SAXO1: variants seen among roughly 807,000 people sequenced by gnomAD.
SAXO1 encodes the protein stabilizer of axonemal microtubules 1, also known as 4930500O09Rik.
A neutral mutation model predicts 17.5 loss-of-function variants in SAXO1; 21 were observed. That is an observed-to-expected ratio of 1.20 (90% CI 0.85 to 1.72). The LOEUF is 1.72. Among genes scored for constraint, SAXO1 ranks in the 40% most tolerant of loss-of-function variants. The pLI, the probability that SAXO1 is intolerant of heterozygous loss-of-function variation, is 0.00. For missense variants in SAXO1, 843 were observed against 596.0 expected (o/e 1.41, Z -4.32); for synonymous variants, 274 against 216.5 (o/e 1.27, Z -2.33).
At chr9:18,937,437 G>T (rs773543801) in intron 3 of SAXO1, among the ~76,000 whole-genome samples, 1 of 152,140 alleles carries the variant, frequency 6.6e-6, no homozygotes, top group East Asian at 1.9e-4. Context: ...ACAGATGTTG[G>T]GCATTCAAGG....
Position 18,969,457 on chromosome 9 carries a change from ACAC to A in SAXO1, c.39-18523_39-18521del, listed in dbSNP as rs1832863710. Reference sequence around the variant, plus strand: ...GGCTCTCTTCCAGGCACTGCAAAAAACACCCAAAGCCCCTCTAATCCCTATTTT... The same window carrying A: ...GGCTCTCTTCCAGGCACTGCAAAAAACCAAAGCCCCTCTAATCCCTATTTT... On this transcript the variant is annotated intron_variant, in intron 1 of 3. Transcript: ENST00000380534. 4.6e-5 allele frequency among the ~76,000 whole-genome samples: 7 copies of A among 152,330 alleles called. No homozygotes were observed. The South Asian group carries it at 1.2e-3, about 27-fold the overall frequency.
intron 1 of SAXO1, among the ~76,000 whole-genome samples, chr9:18,988,533 G>C (rs1298600558): frequency 6.6e-6 from 1 of 152,092 alleles, no homozygotes; most frequent in Admixed American, 6.5e-5. Flanking sequence ...CATCTGTATG[G>C]CATTCTACAG....
intron 1 of SAXO1, among the ~76,000 whole-genome samples, chr9:18,974,792 C>T (rs1833071394): frequency 6.6e-6 from 1 of 152,134 alleles, no homozygotes. Context: ...TGAAAATAAG[C>T]CATCACCATT....
chr9:18,941,552 T>C, intron 3 of SAXO1, 85 bp downstream of exon 3: 1 of 1,492,572 alleles, frequency 6.7e-7, no homozygotes, highest in Non-Finnish European at 9.3e-7. Context: ...TTGCACTAAC[T>C]GAGTATGCAC....
upstream of SAXO1, among the ~76,000 whole-genome samples, chr9:19,036,254 T>TAAAAAAAAAAAATAAAAGAAAAAAAAAAA (rs1835934021): frequency 8.4e-6 from 1 of 119,752 alleles, no homozygotes; most frequent in African/African-American, 2.7e-5. Flanking sequence ...TAAAGTATAA[T>TAAAAAAAAAAAATAAAAGAAAAAAAAAAA]AAAAAAAAAA....
chr9:19,001,842 A>T (rs1306920053), intron 1 of SAXO1, among the ~76,000 whole-genome samples: 1 of 152,188 alleles, frequency 6.6e-6, no homozygotes, highest in Non-Finnish European at 1.5e-5. Context: ...AGAACTAGGG[A>T]AGCAAGAGCA....
intron 1 of SAXO1, among the ~76,000 whole-genome samples, chr9:18,996,500 C>T (rs566828345): frequency 5.3e-5 from 8 of 152,280 alleles, no homozygotes; most frequent in South Asian, 4.1e-4. Flanking sequence ...GCATACAAAA[C>T]GTGCAGTGAA....
At chr9:19,008,070 C>T (rs961068181) in intron 1 of SAXO1, among the ~76,000 whole-genome samples, 2 of 151,794 alleles carry the variant, frequency 1.3e-5, no homozygotes, top group African/African-American at 4.8e-5. Flanking sequence ...CAGGCTTAAG[C>T]CATCCACTCA....
Position 18,969,875 on chromosome 9 carries a change from G to C in SAXO1, c.39-18938C>G, listed in dbSNP as rs971815443. On this transcript the variant is annotated intron_variant, in intron 1 of 3. Transcript: ENST00000380534. ...GAGGAAGCAAGGCCAATGGGGTTAA[G>C]AACCTGCTCAATATCATAGAACAGT... is the stretch of plus-strand genomic sequence containing the variant. Among the ~76,000 whole-genome samples the C allele has an allele frequency of 3.3e-5, 5 of 152,360 alleles. 1 individual carries two copies. The South Asian group carries it at 8.3e-4, about 25-fold the overall frequency.
chr9:19,027,781 GCT>G, intron 1 of SAXO1: 1 of 1,509,224 alleles, frequency 6.6e-7, no homozygotes, highest in Non-Finnish European at 9.1e-7. Context: ...TTCTGAACCA[GCT>G]GGATGGCTTC....
At chr9:19,016,798 C>CTTTTTTT (rs34423268) in intron 1 of SAXO1, among the ~76,000 whole-genome samples, 1 of 111,292 alleles carries the variant, frequency 9.0e-6, no homozygotes, top group Non-Finnish European at 1.8e-5. Context: ...TAACATCTGA[C>CTTTTTTT]TTTTTTTTTT....
In SAXO1 at chr9:18,928,352, C is replaced by T. The variant is rs770383898; in HGVS notation, c.1125G>A (p.Arg375=). The T allele has an allele frequency of 1.2e-6, 2 of 1,612,586 alleles. No individual in the cohort carries two copies. The highest frequency in any genetic ancestry group is 1.1e-5 in the South Asian group (1 of 90,882). The change falls in exon 4 of 4, where the codon CGG becomes CGA. Residue 375 remains arginine, a synonymous_variant. Coordinates refer to ENST00000380534, the MANE Select transcript of SAXO1 (RefSeq NM_153707.4). ...TEPLDCLTTT[R]AHYVPHLPIN... ...TAGGCAGGTGGGGCACATAGTGGGC[C>T]CGAGTGGTGGTCAGGCAGTCCAGGG...
At chr9:18,992,439 G>C (rs1033238401) in intron 1 of SAXO1, among the ~76,000 whole-genome samples, 11 of 152,190 alleles carry the variant, frequency 7.2e-5, no homozygotes, top group Non-Finnish European at 1.3e-4. Flanking sequence ...ACTCATGCTG[G>C]ATTAGGGCCC....
intron 1 of SAXO1, chr9:19,027,525 C>T (rs1017125510): frequency 2.3e-5 from 22 of 965,026 alleles, no homozygotes; most frequent in South Asian, 2.6e-5. Context: ...CCCCCAGGGA[C>T]GGAGAAGACC....
intron 1 of SAXO1, among the ~76,000 whole-genome samples, chr9:18,962,386 T>C (rs1178067594): frequency 6.6e-6 from 1 of 152,192 alleles, no homozygotes; most frequent in African/African-American, 2.4e-5. Flanking sequence ...GGATTTGCAT[T>C]TCTCTAATGA....
chr9:19,033,220 A>G, upstream of SAXO1: 1 of 328,136 alleles, frequency 3.0e-6, no homozygotes, highest in South Asian at 1.2e-4. Context: ...GGGCCCCAGG[A>G]AGCTGCGGGG....
chr9:19,003,170 G>C (rs1834349245), intron 1 of SAXO1, among the ~76,000 whole-genome samples: 1 of 152,096 alleles, frequency 6.6e-6, no homozygotes, highest in Admixed American at 6.5e-5. Context: ...AAAATACCTA[G>C]GAATCCAACT....
At position 18,997,927 on chromosome 9, in the gene SAXO1, CA is replaced by C. The variant is rs1480940384; in HGVS notation, c.38+34943del. The stretch of plus-strand genomic sequence containing the variant: ...CAGAAAGGAATAGCATCAACATCAA[CA>C]AAAAGGACATCCACACCAAAACCCC... On this transcript the variant is annotated intron_variant, in intron 1 of 3. Transcript: ENST00000380534. Among the ~76,000 whole-genome samples the C allele has an allele frequency of 4.6e-5, 7 of 152,274 alleles. No homozygotes were observed. In the East Asian group the frequency reaches 1.4e-3, roughly 29 times the overall value.
intron 1 of SAXO1, among the ~76,000 whole-genome samples, chr9:18,951,353 T>C (rs779553014): frequency 6.6e-6 from 1 of 152,094 alleles, no homozygotes; most frequent in Non-Finnish European, 1.5e-5. Flanking sequence ...GCTCCAAGGC[T>C]CTCCAATAGG....
Sources: gnomAD v4.1 joint callset for allele counts (sites outside exome capture counted in the v4.1 genomes callset) on GRCh38, gnomAD v4.1.1 for gene constraint, MANE v1.5 for transcripts, NCBI Gene and HGNC (gene_info 2026-07-23, HGNC 2026-07-21) for gene names.